SHROOM4: variants seen among roughly 807,000 people sequenced by gnomAD.
SHROOM4 encodes protein Shroom4.
A neutral mutation model predicts 80.3 loss-of-function variants in SHROOM4; 17 were observed. The observed-to-expected ratio is 0.21, with a 90% CI of 0.14 to 0.32. The LOEUF is 0.32. Among genes scored for constraint, SHROOM4 ranks in the 10% least tolerant of loss-of-function variants. SHROOM4 has a pLI of 1.00. For missense variants in SHROOM4, 993 were observed against 1,140.3 expected (o/e 0.87, Z 1.86); for synonymous variants, 400 against 437.5 (o/e 0.91, Z 1.07).
intron 1 of SHROOM4, among the ~76,000 whole-genome samples, chrX:50,799,877 T>G (rs1936085278): frequency 9.0e-6 from 1 of 111,712 alleles, no homozygotes; most frequent in Non-Finnish European, 1.9e-5. Context: ...CCATAGGAAA[T>G]GCTGCAATCA....
At chrX:50,608,322 A>T in intron 5 of SHROOM4, 138 bp from the exon 6 acceptor site, 8 of 499,524 alleles carry the variant, frequency 1.6e-5, no homozygotes, top group South Asian at 3.5e-5. Context: ...AATAGTAATA[A>T]TAATATTATA....
intron 1 of SHROOM4, among the ~76,000 whole-genome samples, chrX:50,769,097 C>T (rs1407891471): frequency 9.1e-6 from 1 of 109,326 alleles, no homozygotes; most frequent in Non-Finnish European, 1.9e-5. Flanking sequence ...CTCCCTCTTG[C>T]CCTATTCTAA....
chrX:50,743,727 G>T (rs1203558673), intron 1 of SHROOM4, among the ~76,000 whole-genome samples: 1 of 111,799 alleles, frequency 8.9e-6, no homozygotes, highest in Non-Finnish European at 1.9e-5. Flanking sequence ...AAAGTGCTGG[G>T]ATTACAGGCA....
At chrX:50,758,554 A>C (rs1935085262) in intron 1 of SHROOM4, among the ~76,000 whole-genome samples, 1 of 112,361 alleles carries the variant, frequency 8.9e-6, no homozygotes, top group South Asian at 3.7e-4. Flanking sequence ...TGCATTCCTA[A>C]GGTAAATTCC....
At chrX:50,687,776 AAC>A (rs782274584) in intron 2 of SHROOM4, among the ~76,000 whole-genome samples, 1 of 111,286 alleles carries the variant, frequency 9.0e-6, no homozygotes, top group South Asian at 3.8e-4. Flanking sequence ...GTTATTTAAA[AAC>A]AGTCTTTCAA....
At position 50,767,762 on chromosome X, in the gene SHROOM4, A is replaced by G. The variant is rs183413021; in HGVS notation, c.117+46140T>C. Among the ~76,000 whole-genome samples, 4 of 111,342 alleles carry G rather than the reference A, an allele frequency of 3.6e-5. No homozygotes were observed. The East Asian group carries it at 1.1e-3, about 31-fold the overall frequency. Reference sequence around the variant, plus strand: ...CTTTCATGAACGCTATGTATTGAGCAAAACTCCTCTAGTCCATAATAGAAA... The same window carrying G: ...CTTTCATGAACGCTATGTATTGAGCGAAACTCCTCTAGTCCATAATAGAAA... On this transcript the variant is annotated intron_variant, in intron 1 of 8. Coordinates refer to ENST00000376020, the MANE Select transcript of SHROOM4 (RefSeq NM_020717.5).
chrX:50,670,578 A>C (rs548507038), intron 2 of SHROOM4, among the ~76,000 whole-genome samples: 1 of 111,690 alleles, frequency 9.0e-6, no homozygotes, highest in Non-Finnish European at 1.9e-5. Flanking sequence ...ATACGTGTAC[A>C]TGTGTCTTTG....
At chrX:50,653,119 C>T (rs1331002484) in intron 2 of SHROOM4, among the ~76,000 whole-genome samples, 2 of 111,547 alleles carry the variant, frequency 1.8e-5, no homozygotes, top group African/African-American at 3.3e-5. Context: ...TCAATGGTAA[C>T]TTGATGGGGA....
intron 2 of SHROOM4, among the ~76,000 whole-genome samples, chrX:50,683,609 G>T (rs1315895482): frequency 9.0e-6 from 1 of 111,676 alleles, no homozygotes; most frequent in African/African-American, 3.3e-5. Flanking sequence ...GCAATAAGGA[G>T]CTGAAAAAAC....
chrX:50,714,288 G>A (rs1933893144), intron 1 of SHROOM4, among the ~76,000 whole-genome samples: 2 of 112,019 alleles, frequency 1.8e-5, no homozygotes, highest in African/African-American at 6.5e-5. Context: ...GCTAAGCATT[G>A]TTTTAGCTAT....
chrX:50,707,876 C>T (rs1274904544), intron 1 of SHROOM4, among the ~76,000 whole-genome samples: 1 of 111,585 alleles, frequency 9.0e-6, no homozygotes, highest in Non-Finnish European at 1.9e-5. Context: ...GAGAACAGGA[C>T]AATATCCCTT....
chrX:50,733,593 G>A (rs1290702723), intron 1 of SHROOM4, among the ~76,000 whole-genome samples: 2 of 111,621 alleles, frequency 1.8e-5, no homozygotes, highest in Admixed American at 9.6e-5. Context: ...AAAACTGTGA[G>A]CCAATAAATT....
rs189334881 is a variant in SHROOM4, at chrX:50,725,270, A to G, written c.118-29333T>C. Reference sequence around the variant, plus strand: ...TTGTTATGAAAATGCTGCTCTAGGAAGCTGCAGCTAAGTGGACTGGGTCTC... The same window carrying G: ...TTGTTATGAAAATGCTGCTCTAGGAGGCTGCAGCTAAGTGGACTGGGTCTC... On this transcript the variant is annotated intron_variant, in intron 1 of 8. Coordinates refer to ENST00000376020, the MANE Select transcript of SHROOM4 (RefSeq NM_020717.5). 3.0e-3 allele frequency among the ~76,000 whole-genome samples: 339 copies of G among 112,045 alleles called. 3 individuals carry two copies. Among genetic ancestry groups the G allele is most frequent in the Non-Finnish European group, 1.2e-3 (66 of 53,165 alleles).
chrX:50,613,711 A>G (rs1557250288), intron 5 of SHROOM4, among the ~76,000 whole-genome samples: 3 of 112,362 alleles, frequency 2.7e-5, no homozygotes, highest in African/African-American at 9.7e-5. Context: ...ATGACTCAAC[A>G]TTGTTAAGAT....
At chrX:50,791,965 T>C (rs1167626876) in intron 1 of SHROOM4, among the ~76,000 whole-genome samples, 5 of 111,279 alleles carry the variant, frequency 4.5e-5, no homozygotes, top group Admixed American at 9.6e-5. Flanking sequence ...GTATAGTCTC[T>C]TCAATGAATG....
intron 2 of SHROOM4, among the ~76,000 whole-genome samples, chrX:50,693,544 C>T (rs1933278790): frequency 3.0e-5 from 3 of 100,368 alleles, no homozygotes; most frequent in South Asian, 4.7e-4. Flanking sequence ...CCAGCCTGGG[C>T]GACAGAGCAA....
At chrX:50,715,336 C>T (rs1557264716) in intron 1 of SHROOM4, among the ~76,000 whole-genome samples, 2 of 111,190 alleles carry the variant, frequency 1.8e-5, no homozygotes, top group Non-Finnish European at 3.8e-5. Flanking sequence ...CTCTCTCATA[C>T]CTGTGTCCCC....
intron 1 of SHROOM4, among the ~76,000 whole-genome samples, chrX:50,732,674 T>C (rs1431021018): frequency 2.7e-5 from 3 of 111,646 alleles, no homozygotes; most frequent in Non-Finnish European, 5.6e-5. Context: ...TTAGATAACT[T>C]AGATGAAATG....
chrX:50,774,934 T>C, intron 1 of SHROOM4, among the ~76,000 whole-genome samples: 1 of 112,230 alleles, frequency 8.9e-6, no homozygotes, highest in South Asian at 3.7e-4. Context: ...CTGATATTTC[T>C]GACATTATTT....
Sources: allele counts gnomAD v4.1 joint callset (sites outside exome capture counted in the v4.1 genomes callset), GRCh38; gene constraint gnomAD v4.1.1; transcripts MANE v1.5; gene names NCBI Gene and HGNC (gene_info 2026-07-23, HGNC 2026-07-21).